Variants in ATP2C1 observed in about 807,000 individuals in gnomAD.
The protein encoded by ATP2C1 is ATPase secretory pathway Ca2+ transporting 1, also known as calcium-transporting ATPase type 2C member 1.
ATP2C1 carries 31 observed loss-of-function variants against 120.5 expected under a neutral mutation model. The ratio of observed to expected loss-of-function variants is 0.26; its 90% CI spans 0.19 to 0.35. The LOEUF (loss-of-function observed/expected upper bound fraction) is 0.35. Ranked by LOEUF, ATP2C1 falls within the 10% of genes least tolerant of loss-of-function variation. The pLI, the probability that ATP2C1 is intolerant of heterozygous loss-of-function variation, is 1.00. For synonymous variants in ATP2C1, 351 were observed against 358.7 expected (o/e 0.98, Z 0.24); for missense variants, 731 against 1,107.5 (o/e 0.66, Z 4.83).
At chr3:130,935,464 A>AT (rs2059623985) in intron 5 of ATP2C1, among the ~76,000 whole-genome samples, 1 of 152,004 alleles carries the variant, frequency 6.6e-6, no homozygotes, top group Admixed American at 6.5e-5. Context: ...GCTCCATTTC[A>AT]TTTTTGTATA....
intron 11 of ATP2C1, among the ~76,000 whole-genome samples, chr3:130,958,903 A>G (rs1450758588): frequency 6.6e-6 from 1 of 152,202 alleles, no homozygotes; most frequent in Non-Finnish European, 1.5e-5. Context: ...TATTAAATAG[A>G]AGACCTATAT....
At position 130,955,287 on chromosome 3, in the gene ATP2C1, C is replaced by A. The variant is rs1401443319; in HGVS notation, c.756+207C>A. ...TGTTAGTATTCTAAAGGATTTTGAG[C>A]TTTACTCATTGTTTATAGCAGAAAA... On this transcript the variant is annotated intron_variant, in intron 10 of 27. Transcript: ENST00000510168. 5.9e-5 allele frequency among the ~76,000 whole-genome samples: 9 copies of A among 152,000 alleles called. 1 individual carries two copies. The highest frequency in any genetic ancestry group is 5.9e-4 in the Admixed American group (9 of 15,258).
At chr3:130,883,394 T>A (rs1342906358) in intron 1 of ATP2C1, among the ~76,000 whole-genome samples, 2 of 152,154 alleles carry the variant, frequency 1.3e-5, no homozygotes, top group Non-Finnish European at 2.9e-5. Flanking sequence ...TTGAGTTTGA[T>A]GTGCTATTGC....
intron 9 of ATP2C1, 34 bp from the exon 10 acceptor site, chr3:130,954,977 TG>T: frequency 6.7e-7 from 1 of 1,484,328 alleles, no homozygotes; most frequent in Non-Finnish European, 9.4e-7. Context: ...ACATTTCATC[TG>T]GATGTAAATG....
At position 130,882,861 on chromosome 3, in the gene ATP2C1, G is replaced by A. The variant is rs116076339; in HGVS notation, c.108+31933G>A. On this transcript the variant is annotated intron_variant, in intron 1 of 26. Coordinates refer to the ATP2C1 transcript ENST00000504381. ...TTTGTATCAGGGTAACACTTGCCTC[G>A]TAGAATGAGTTTGGAAGTATTCCCT... Among the ~76,000 whole-genome samples the A allele has an allele frequency of 7.8e-3, 1,183 of 152,180 alleles. 14 individuals are homozygous for A. Among genetic ancestry groups the A allele is most frequent in the African/African-American group, 0.027 (1,113 of 41,518 alleles).
At chr3:130,928,706 C>T (rs1295579462) in intron 2 of ATP2C1, among the ~76,000 whole-genome samples, 1 of 152,168 alleles carries the variant, frequency 6.6e-6, no homozygotes, top group Admixed American at 6.5e-5. Flanking sequence ...AATCCTCAAA[C>T]ATCTCTGTTT....
At chr3:130,976,909 G>T (rs947967164) in intron 18 of ATP2C1, among the ~76,000 whole-genome samples, 1 of 152,184 alleles carries the variant, frequency 6.6e-6, no homozygotes, top group East Asian at 1.9e-4. Flanking sequence ...CACAGGGGGT[G>T]CCCTCGTACA....
At chr3:130,897,658 T>C (rs1236925668) in intron 2 of ATP2C1, among the ~76,000 whole-genome samples, 1 of 152,196 alleles carries the variant, frequency 6.6e-6, no homozygotes, top group Non-Finnish European at 1.5e-5. Flanking sequence ...ATCCATGTGT[T>C]GGTTCCTTCA....
chr3:130,893,610 T>G (rs1242740348), upstream of ATP2C1, among the ~76,000 whole-genome samples: 1 of 152,228 alleles, frequency 6.6e-6, no homozygotes, highest in African/African-American at 2.4e-5. Flanking sequence ...AGATTGTGAC[T>G]GCCACCCCGA....
chr3:130,867,541 C>T (rs1416671469), intron 1 of ATP2C1, among the ~76,000 whole-genome samples: 1 of 149,184 alleles, frequency 6.7e-6, no homozygotes, highest in Non-Finnish European at 1.5e-5. Context: ...ATCCGCCAGC[C>T]TCGGCCTCCC....
chr3:130,955,705 G>C (rs1401971869), intron 10 of ATP2C1: 1 of 214,918 alleles, frequency 4.7e-6, no homozygotes, highest in Non-Finnish European at 9.4e-6. Flanking sequence ...TAGCAGTTGA[G>C]GGAGGATTAA....
intron 1 of ATP2C1, among the ~76,000 whole-genome samples, chr3:130,866,470 G>T (rs2068180388): frequency 6.6e-6 from 1 of 152,098 alleles, no homozygotes; most frequent in African/African-American, 2.4e-5. Context: ...CATCTAACTG[G>T]TGCTGCTAAA....
intron 8 of ATP2C1, among the ~76,000 whole-genome samples, chr3:130,948,187 A>G (rs1313946666): frequency 6.6e-6 from 1 of 152,078 alleles, no homozygotes; most frequent in African/African-American, 2.4e-5. Context: ...GTTACTTTCT[A>G]CTTTCTTATT....
intron 20 of ATP2C1, among the ~76,000 whole-genome samples, chr3:130,983,942 G>A (rs762984199): frequency 6.6e-6 from 1 of 152,088 alleles, no homozygotes; most frequent in Non-Finnish European, 1.5e-5. Flanking sequence ...TCCAGGTTTG[G>A]CAATTATATA....
chr3:130,994,684 G>A (rs2062521100), intron 22 of ATP2C1, among the ~76,000 whole-genome samples: 1 of 152,108 alleles, frequency 6.6e-6, no homozygotes, highest in Non-Finnish European at 1.5e-5. Flanking sequence ...GTAGCTACCT[G>A]TTGGATGACC....
intron 8 of ATP2C1, among the ~76,000 whole-genome samples, chr3:130,948,286 A>T (rs1212877120): frequency 1.3e-5 from 2 of 152,120 alleles, no homozygotes; most frequent in African/African-American, 2.4e-5. Flanking sequence ...TTAGGATTTT[A>T]AAAATTTCTC....
chr3:130,963,819 T>C, intron 12 of ATP2C1, 152 bp from the exon 13 acceptor site: 2 of 897,266 alleles, frequency 2.2e-6, no homozygotes, highest in Non-Finnish European at 1.7e-6. Flanking sequence ...ATCCAGTAAA[T>C]GTTAACTTTC....
At chr3:131,016,317 A>G (rs780397164) in exon 27 of ATP2C1, 5 of 1,614,196 alleles carry the variant, frequency 3.1e-6, no homozygotes, top group Non-Finnish European at 4.2e-6. Flanking sequence ...TCTTAGCACC[A>G]TCTTCCTGCA....
At position 130,997,636 on chromosome 3, in the gene ATP2C1, C is replaced by A; in HGVS notation, c.2274C>A (p.Val758=). The A allele has an allele frequency of 6.2e-7, 1 of 1,613,546 alleles. No homozygotes were observed. Among genetic ancestry groups the A allele is most frequent in the South Asian group, 1.1e-5 (1 of 91,052 alleles). Residue 758 remains valine (V), a synonymous_variant, in exon 25 of 28, where the codon GTC becomes GTA. Coordinates refer to ENST00000510168, the MANE Select transcript of ATP2C1 (RefSeq NM_001378687.1). ...SLGVEPVDKD[V]IRKPPRNWKD... ...GAGTAGAACCAGTGGATAAAGATGT[C>A]ATTCGTAAACCTCCTCGCAACTGGA...
Sources: gnomAD v4.1 joint callset for allele counts (sites outside exome capture counted in the v4.1 genomes callset) on GRCh38, gnomAD v4.1.1 for gene constraint, MANE v1.5 for transcripts, NCBI Gene and HGNC (gene_info 2026-07-23, HGNC 2026-07-21) for gene names.